Variants in PDZD8 observed in about 807,000 individuals in gnomAD.
The protein encoded by PDZD8 is PDZ domain-containing protein 8.
PDZD8 carries 14 observed loss-of-function variants against 85.8 expected under a neutral mutation model. The ratio of observed to expected loss-of-function variants is 0.16; its 90% CI spans 0.11 to 0.26. The LOEUF is 0.26. PDZD8 is among the 10% of genes least tolerant of loss of function. The pLI is 1.00. For synonymous variants in PDZD8, 592 were observed against 568.6 expected (o/e 1.04, Z -0.59); for missense variants, 1,197 against 1,424.3 (o/e 0.84, Z 2.57).
intron 4 of PDZD8, among the ~76,000 whole-genome samples, chr10:117,289,955 A>G (rs1844727372): frequency 6.6e-6 from 1 of 152,224 alleles, no homozygotes; most frequent in Admixed American, 6.5e-5. Flanking sequence ...TGGTCTAAAC[A>G]AAGTATTTTA....
In PDZD8 at chr10:117,352,801, A is replaced by C. The variant is rs1165643089; in HGVS notation, c.873-11699T>G. Among the ~76,000 whole-genome samples the C allele has an allele frequency of 2.6e-5, 4 of 152,204 alleles. No homozygotes were observed. The East Asian group carries it at 7.7e-4, about 29-fold the overall frequency. On this transcript the variant is annotated intron_variant, in intron 1 of 4. Transcript: ENST00000334464. ...GAGTTTAATAGACACAAGGCTGGCC[A>C]CACCACAGGGGAGATAAAATTTGTA...
chr10:117,365,776 A>G (rs1845077815), intron 1 of PDZD8, among the ~76,000 whole-genome samples: 1 of 152,158 alleles, frequency 6.6e-6, no homozygotes, highest in South Asian at 2.1e-4. Context: ...AAACTTTCCA[A>G]TTAAGTGTGA....
At chr10:117,316,543 T>C (rs1564697380) in intron 3 of PDZD8, among the ~76,000 whole-genome samples, 1 of 151,554 alleles carries the variant, frequency 6.6e-6, no homozygotes, top group Non-Finnish European at 1.5e-5. Context: ...AATAGATGAG[T>C]GTAGTGGTGC....
intron 3 of PDZD8, among the ~76,000 whole-genome samples, chr10:117,312,505 C>T (rs554839659): frequency 4.6e-5 from 7 of 152,056 alleles, no homozygotes; most frequent in Non-Finnish European, 8.8e-5. Flanking sequence ...GGATACATAG[C>T]GTAAAAAAAA....
Position 117,297,560 on chromosome 10 carries a change from G to A in PDZD8, c.1099-7212C>T, listed in dbSNP as rs141982119. On this transcript the variant is annotated intron_variant, in intron 3 of 4. Coordinates refer to ENST00000334464, the MANE Select transcript of PDZD8 (RefSeq NM_173791.5). ...CCTGACTTATGAGGGTTAGACTTAA[G>A]ATTTTTTGACTTTACGATGTGGGAA... Among the ~76,000 whole-genome samples, 145 of 152,246 alleles carry A rather than the reference G, an allele frequency of 9.5e-4. 2 individuals are homozygous for A. The highest frequency in any genetic ancestry group is 1.8e-3 in the Non-Finnish European group (122 of 67,998).
intron 4 of PDZD8, among the ~76,000 whole-genome samples, chr10:117,288,932 A>C: frequency 6.6e-6 from 1 of 152,230 alleles, no homozygotes; most frequent in East Asian, 1.9e-4. Context: ...CTACTTGTGT[A>C]ATTGAAACAC....
At chr10:117,365,298 T>C (rs140579893) in intron 1 of PDZD8, among the ~76,000 whole-genome samples, 1,984 of 152,192 alleles carry the variant, frequency 0.013, 17 homozygotes, top group Middle Eastern at 0.021. Context: ...TTAGAACAAA[T>C]GAAGTAGGTA....
At chr10:117,354,745 G>A (rs1844864102) in intron 1 of PDZD8, among the ~76,000 whole-genome samples, 1 of 152,162 alleles carries the variant, frequency 6.6e-6, no homozygotes, top group Non-Finnish European at 1.5e-5. Context: ...CAGTCGGAAA[G>A]TTTTGGCTCT....
intron 1 of PDZD8, among the ~76,000 whole-genome samples, chr10:117,342,207 A>AG (rs1271631030): frequency 6.6e-6 from 1 of 152,204 alleles, no homozygotes; most frequent in Non-Finnish European, 1.5e-5. Flanking sequence ...TATAAACTGT[A>AG]GGTTTTAAAA....
chr10:117,346,420 A>G (rs746562569), intron 1 of PDZD8, among the ~76,000 whole-genome samples: 2 of 152,106 alleles, frequency 1.3e-5, no homozygotes, highest in Non-Finnish European at 2.9e-5. Flanking sequence ...ATCTGAAAGA[A>G]TGGTTCAAGC....
In PDZD8 at chr10:117,297,309, A is replaced by G. The variant is rs574593309; in HGVS notation, c.1099-6961T>C. Among the ~76,000 whole-genome samples, 8 of 152,274 alleles carry G rather than the reference A, an allele frequency of 5.3e-5. No homozygotes were observed. The South Asian group carries it at 1.7e-3, about 32-fold the overall frequency. Reference sequence around the variant, plus strand: ...CAACTAAAACTCTCCTATATTGCTGATGGGAATATAAAATGGTACAGCTAC... The same window carrying G: ...CAACTAAAACTCTCCTATATTGCTGGTGGGAATATAAAATGGTACAGCTAC... On this transcript the variant is annotated intron_variant, in intron 3 of 4. Coordinates refer to ENST00000334464, the MANE Select transcript of PDZD8 (RefSeq NM_173791.5).
intron 1 of PDZD8, among the ~76,000 whole-genome samples, chr10:117,356,759 G>C (rs7901203): frequency 0.23 from 35,101 of 151,962 alleles, 4,717 homozygotes; most frequent in East Asian, 0.43. Context: ...ATGAGAAAAA[G>C]AAAAATTAAA....
intron 3 of PDZD8, among the ~76,000 whole-genome samples, chr10:117,315,564 T>C (rs1844109850): frequency 8.4e-6 from 1 of 119,158 alleles, no homozygotes; most frequent in African/African-American, 3.4e-5. Context: ...CACTCCAGTC[T>C]GGGCGACAGA....
intron 1 of PDZD8, among the ~76,000 whole-genome samples, chr10:117,350,247 GTTTTTTTTGTTTGTTTGTTTCTT>G (rs1564709167): frequency 7.8e-6 from 1 of 127,398 alleles, no homozygotes; most frequent in Middle Eastern, 4.3e-3. Context: ...TCCAGAATCT[GTTTTTTTTGTTTGTTTGTTTCTT>G]TTTTTTTTTT....
chr10:117,296,496 A>T (rs1293863494), intron 3 of PDZD8, among the ~76,000 whole-genome samples: 1 of 152,136 alleles, frequency 6.6e-6, no homozygotes, highest in East Asian at 1.9e-4. Flanking sequence ...GAAGAAATGG[A>T]CCAAGAACAG....
chr10:117,306,680 T>A (rs888020221), intron 3 of PDZD8, among the ~76,000 whole-genome samples: 4 of 151,904 alleles, frequency 2.6e-5, no homozygotes, highest in Non-Finnish European at 4.4e-5. Context: ...TAAATAAGGT[T>A]TTTTTTTAAA....
intron 4 of PDZD8, 95 bp downstream of exon 4, chr10:117,290,091 T>C (rs1170593548): frequency 9.0e-7 from 1 of 1,114,160 alleles, no homozygotes; most frequent in East Asian, 2.5e-5. Context: ...ATATGCATAT[T>C]ATAGAAATAA....
Position 117,285,001 on chromosome 10 carries a change from C to A in PDZD8, c.1732G>T (p.Val578Leu), listed in dbSNP as rs1170953192. The change falls in exon 5 of 5, where the codon GTG (valine) becomes TTG (leucine). Residue 578 changes from valine (V) to leucine (L), a missense_variant. By Grantham distance (32) the Val-to-Leu change is conservative (BLOSUM62 1). Transcript: ENST00000334464. Reference sequence around the variant, plus strand: ...GCAGATCCTTGGGTTGGTTTTGACACTTGTGCTGGGTCTGTTATCTCAGAA... The same window carrying A: ...GCAGATCCTTGGGTTGGTTTTGACAATTGTGCTGGGTCTGTTATCTCAGAA... Reference protein sequence around the residue: ...KTSEITDPAQVSKPTQGSAFK... With the variant: ...KTSEITDPAQLSKPTQGSAFK... 1.9e-6 allele frequency: 3 copies of A among 1,614,014 alleles called. No homozygotes were observed. Among genetic ancestry groups the A allele is most frequent in the African/African-American group, 2.7e-5 (2 of 74,976 alleles).
intron 1 of PDZD8, among the ~76,000 whole-genome samples, chr10:117,347,692 A>T (rs767577273): frequency 2.0e-5 from 3 of 152,234 alleles, no homozygotes; most frequent in Non-Finnish European, 4.4e-5. Flanking sequence ...AGTGAAATTT[A>T]AAAATTACAG....
Sources: gnomAD v4.1 joint callset for allele counts (sites outside exome capture counted in the v4.1 genomes callset) on GRCh38, gnomAD v4.1.1 for gene constraint, MANE v1.5 for transcripts, NCBI Gene and HGNC (gene_info 2026-07-23, HGNC 2026-07-21) for gene names.